Variants in ANXA11 observed in about 807,000 individuals in gnomAD.
The protein encoded by ANXA11 is 56 kDa autoantigen.
A neutral mutation model predicts 64.7 loss-of-function variants in ANXA11; 57 were observed. The observed-to-expected ratio is 0.88, with a 90% confidence interval of 0.71 to 1.10. ANXA11 has a LOEUF of 1.10. ANXA11 is among the 50% of genes least tolerant of loss of function. ANXA11 has a pLI of 0.00. For missense variants in ANXA11, 675 were observed against 670.7 expected (o/e 1.01, Z -0.07); for synonymous variants, 260 against 265.2 (o/e 0.98, Z 0.19).
At chr10:80,168,381 G>A (rs1845831371) in intron 5 of ANXA11, among the ~76,000 whole-genome samples, 1 of 152,140 alleles carries the variant, frequency 6.6e-6, no homozygotes, top group Non-Finnish European at 1.5e-5. Context: ...GAGGAATAAG[G>A]AGTACTCGCC....
chr10:80,157,159 C>T (rs1677823523), intron 15 of ANXA11: 2 of 972,004 alleles, frequency 2.1e-6, no homozygotes, highest in Non-Finnish European at 2.4e-6. Context: ...TTTAAGGGAG[C>T]CATTCAAGGT....
intron 12 of ANXA11, 47 bp from the exon 13 acceptor site, chr10:80,159,242 C>CCAAA: frequency 6.6e-7 from 1 of 1,513,368 alleles, no homozygotes; most frequent in Non-Finnish European, 9.2e-7. Flanking sequence ...ATGTGTCTCC[C>CCAAA]CAAAGTTCAT....
intron 1 of ANXA11, among the ~76,000 whole-genome samples, chr10:80,186,223 A>T (rs898636708): frequency 6.6e-6 from 1 of 152,036 alleles, no homozygotes; most frequent in African/African-American, 2.4e-5. Flanking sequence ...GTTTCTCCAA[A>T]ACAAAATAAG....
intron 1 of ANXA11, among the ~76,000 whole-genome samples, chr10:80,182,065 C>T (rs560283297): frequency 5.9e-5 from 9 of 152,232 alleles, no homozygotes; most frequent in South Asian, 2.1e-4. Flanking sequence ...TCTAACTCTA[C>T]GATATTCTGG....
At chr10:80,199,636 T>A (rs1035813358) in intron 1 of ANXA11, among the ~76,000 whole-genome samples, 2 of 151,546 alleles carry the variant, frequency 1.3e-5, no homozygotes, top group African/African-American at 2.4e-5. Flanking sequence ...CAAAACCCCA[T>A]CTCTACCAAA....
In ANXA11 at chr10:80,157,651, T is replaced by A. The variant is rs1246994813; in HGVS notation, c.1448A>T (p.His483Leu). The A allele has an allele frequency of 2.0e-5, 32 of 1,613,444 alleles. No homozygotes were observed. The highest frequency in any genetic ancestry group is 2.7e-5 in the African/African-American group (2 of 74,948). ...GCAGCAGGCCCGTACCGAGATGTCG[T>A]GGTACAGCGACTTGCCGTACATCCG... ...YKRMYGKSLY[H>L]DISGDTSGDY... Residue 483 changes from histidine (H) to leucine (L), a missense_variant, in exon 15 of 16, where the codon CAC becomes CTC. Coordinates refer to ENST00000422982, the MANE Select transcript of ANXA11 (RefSeq NM_145868.2).
chr10:80,166,408 T>C, intron 7 of ANXA11: 1 of 541,200 alleles, frequency 1.8e-6, no homozygotes. Context: ...AGGGGATCGG[T>C]GACACAATGA....
chr10:80,202,903 G>A (rs913949593), intron 1 of ANXA11, among the ~76,000 whole-genome samples: 13 of 151,958 alleles, frequency 8.6e-5, no homozygotes, highest in East Asian at 5.8e-4. Context: ...AAAATTAGCC[G>A]GGCATGGTGG....
chr10:80,176,082 G>T (rs960641742), intron 2 of ANXA11, 25 bp downstream of exon 2: 5 of 152,084 alleles, frequency 3.3e-5, no homozygotes, highest in Admixed American at 2.6e-4. Context: ...AAAATACAAA[G>T]ATATCAAAAC....
At chr10:80,158,078 G>A in intron 13 of ANXA11, 53 bp from the exon 14 acceptor site, 1 of 1,560,860 alleles carries the variant, frequency 6.4e-7, no homozygotes. Flanking sequence ...CTCAGCCCAA[G>A]CAGGGCATGG....
chr10:80,165,156 C>T (rs1845673457), intron 8 of ANXA11, among the ~76,000 whole-genome samples: 1 of 152,216 alleles, frequency 6.6e-6, no homozygotes, highest in South Asian at 2.1e-4. Flanking sequence ...GCCTCCTGAC[C>T]CCCTCCCTAG....
In ANXA11 at chr10:80,164,051, A is replaced by G; in HGVS notation, c.949+2T>C. 6.2e-7 allele frequency: 1 copy of G among 1,613,684 alleles called. No individual in the cohort carries two copies. The highest frequency in any genetic ancestry group is 1.7e-5 in the Admixed American group (1 of 60,004). On this transcript the variant is annotated splice_donor_variant, in intron 9 of 15. Transcript: ENST00000422982. LOFTEE classifies it high-confidence loss of function. The stretch of plus-strand genomic sequence containing the variant: ...GGCAGAGGGCAGAGGGAGCGGCCTC[A>G]CCTGCTTTGTAGGCTCTGTTTAATT...
chr10:80,173,057 C>CACCA (rs1846041784), intron 2 of ANXA11, 188 bp from the exon 3 acceptor site: 6 of 565,560 alleles, frequency 1.1e-5, no homozygotes, highest in Admixed American at 3.3e-5. Context: ...AAACAGTACC[C>CACCA]ACCAGCATGC....
intron 1 of ANXA11, among the ~76,000 whole-genome samples, chr10:80,196,606 G>A (rs1840180266): frequency 6.6e-6 from 1 of 152,154 alleles, no homozygotes; most frequent in South Asian, 2.1e-4. Context: ...AGAAGGGGGT[G>A]GGGGCCCTGG....
intron 8 of ANXA11, among the ~76,000 whole-genome samples, chr10:80,164,615 A>G (rs1394770656): frequency 6.6e-6 from 1 of 152,234 alleles, no homozygotes; most frequent in African/African-American, 2.4e-5. Context: ...GGTAGGAACA[A>G]CAAGGATGAA....
chr10:80,178,051 C>A (rs187595915), intron 1 of ANXA11, among the ~76,000 whole-genome samples: 1 of 152,130 alleles, frequency 6.6e-6, no homozygotes, highest in Non-Finnish European at 1.5e-5. Context: ...AAGAGGCTAC[C>A]GCAAGGGGCT....
chr10:80,153,359 C>T lies in ANXA11; in HGVS notation c.*2494G>A, dbSNP rs927594036. ...CCAGATTTTTAAAAATATGAAATCT[C>T]TCAATGTTTAAATGTTGGCAACAAA... On this transcript the variant is annotated 3_prime_UTR_variant, in exon 16 of 16. Coordinates refer to ENST00000422982, the MANE Select transcript of ANXA11 (RefSeq NM_145868.2). 1 of 152,212 alleles carries T rather than the reference C, an allele frequency of 6.6e-6. No homozygotes were observed. Among genetic ancestry groups the T allele is most frequent in the African/African-American group, 2.4e-5 (1 of 41,452 alleles). The allele number at this position is 152,212 out of a possible 1,614,324, so 9.4% of individuals were successfully genotyped here.
intron 1 of ANXA11, among the ~76,000 whole-genome samples, chr10:80,199,887 T>A (rs1480434569): frequency 6.6e-6 from 1 of 152,144 alleles, no homozygotes; most frequent in Non-Finnish European, 1.5e-5. Context: ...TTATGTGGCT[T>A]AAAACACAAG....
At chr10:80,196,912 G>A (rs1840195189) in intron 1 of ANXA11, among the ~76,000 whole-genome samples, 1 of 152,200 alleles carries the variant, frequency 6.6e-6, no homozygotes, top group African/African-American at 2.4e-5. Flanking sequence ...AAGGCAGGCT[G>A]GGAGAGTGGC....
Sources: gnomAD v4.1 joint callset for allele counts (sites outside exome capture counted in the v4.1 genomes callset) on GRCh38, gnomAD v4.1.1 for gene constraint, MANE v1.5 for transcripts, NCBI Gene and HGNC (gene_info 2026-07-23, HGNC 2026-07-21) for gene names.